TRPM5: variants seen among roughly 807,000 people sequenced by gnomAD.
The protein encoded by TRPM5 is transient receptor potential cation channel subfamily M member 5.
TRPM5 carries 121 observed loss-of-function variants against 124.9 expected under a neutral mutation model. The ratio of observed to expected loss-of-function variants is 0.97; its 90% CI spans 0.84 to 1.13. The LOEUF is 1.13. Among genes scored for constraint, TRPM5 ranks in the 50% most tolerant of loss-of-function variants. The pLI, the probability that TRPM5 is intolerant of heterozygous loss-of-function variation, is 0.00. For missense variants in TRPM5, 1,643 were observed against 1,589.1 expected, an observed-to-expected ratio of 1.03 and a Z score of -0.58; for synonymous variants, 781 against 700.5, an observed-to-expected ratio of 1.11 and a Z score of -1.81.
chr11:2,434,100 CTGTG>C, the TRPM5 span, among the ~76,000 whole-genome samples: 5 of 149,154 alleles, frequency 3.4e-5, no homozygotes, highest in East Asian at 8.0e-4. Context: ...TGTGTGGATG[CTGTG>C]TGTGAGTGTA....
In TRPM5 at chr11:2,413,175, GCTGTC is replaced by G; in HGVS notation, c.2050_2054del (p.Asp684ProfsTer27). ...ACAGCGGGCTCTTCTCCGTGTCCAG[GCTGTC>G]CAGGTCCTGCAGGTCCTCCAGGCCT... On this transcript the variant is annotated frameshift_variant, in exon 14 of 24. Transcript: ENST00000155858. LOFTEE classifies it high-confidence loss of function. The G allele has an allele frequency of 6.4e-7, 1 of 1,552,728 alleles. No homozygotes were observed. Among genetic ancestry groups the G allele is most frequent in the Non-Finnish European group, 8.7e-7 (1 of 1,148,328 alleles).
intron 18 of TRPM5, among the ~76,000 whole-genome samples, chr11:2,408,684 A>G (rs1043880136): frequency 1.3e-5 from 2 of 152,056 alleles, no homozygotes; most frequent in Non-Finnish European, 2.9e-5. Flanking sequence ...CTGGACCCTC[A>G]CCCCACCCCA....
the TRPM5 span, among the ~76,000 whole-genome samples, chr11:2,440,665 C>G: frequency 6.6e-6 from 1 of 152,164 alleles, no homozygotes; most frequent in Non-Finnish European, 1.5e-5. This position sits in a 1 kb window ranked among gnomAD's most constrained non-coding sequence, Gnocchi z 5.2. Context: ...TTTGTCCCAC[C>G]ACTACCTGGT....
chr11:2,435,414 A>G, the TRPM5 span, among the ~76,000 whole-genome samples: 1 of 151,238 alleles, frequency 6.6e-6, no homozygotes, highest in African/African-American at 2.4e-5. The surrounding 1 kb of genome is among the most constrained non-coding windows in gnomAD (Gnocchi z 4.1). Context: ...GCACCTCCTC[A>G]CCCATCACCA....
intron 13 of TRPM5, 106 bp from the exon 19 acceptor site, chr11:2,413,332 G>T: frequency 7.6e-7 from 1 of 1,324,322 alleles, no homozygotes; most frequent in Non-Finnish European, 1.0e-6. Context: ...CAGGGGCTGT[G>T]GGGAGTGGGA....
chr11:2,415,226 TG>T lies in TRPM5; in HGVS notation c.1373del (p.Pro458HisfsTer53), dbSNP rs1850544701. On this transcript the variant is annotated frameshift_variant, in exon 9 of 24. Coordinates refer to ENST00000155858, the Ensembl canonical transcript of TRPM5. LOFTEE classifies it high-confidence loss of function. ...AGACCTCGTGCAGGGAGAAGGCCGG[TG>T]GCCCCGCGGGTGGCTCCCGGGCCTG... is the stretch of plus-strand genomic sequence containing the variant. 6.3e-7 allele frequency: 1 copy of T among 1,575,348 alleles called. No individual in the cohort carries two copies. Among genetic ancestry groups the T allele is most frequent in the Admixed American group, 1.8e-5 (1 of 55,482 alleles).
exon 9 of TRPM5, chr11:2,415,459 C>G: frequency 6.4e-7 from 1 of 1,574,162 alleles, no homozygotes; most frequent in Non-Finnish European, 8.6e-7. Flanking sequence ...ATCACCTCCT[C>G]CAGGTCACAG....
intron 15 of TRPM5, 29 bp from the exon 21 acceptor site, chr11:2,412,282 A>G: frequency 7.0e-6 from 11 of 1,561,288 alleles, no homozygotes; most frequent in Non-Finnish European, 9.7e-6. Flanking sequence ...GTCCACTGAC[A>G]GCTGTCCAGC....
At chr11:2,406,865 C>T (rs929095290) in intron 20 of TRPM5, 72 bp from the exon 26 acceptor site, 17 of 1,542,704 alleles carry the variant, frequency 1.1e-5, no homozygotes, top group Middle Eastern at 3.5e-4. Context: ...GGCCTGGTCC[C>T]GGGGCGAGGT....
chr11:2,406,206 T>C, intron 21 of TRPM5, 115 bp from the exon 27 acceptor site: 6 of 1,107,470 alleles, frequency 5.4e-6, no homozygotes, highest in Non-Finnish European at 6.7e-6. Context: ...GCCCTGGCCC[T>C]TTCCCTTCCT....
In TRPM5 at chr11:2,407,669, C is replaced by T. The variant is rs920191083; in HGVS notation, c.2936+90G>A. The T allele has an allele frequency of 2.6e-6, 4 of 1,513,912 alleles. No homozygotes were observed. In the African/African-American group the frequency reaches 5.5e-5, roughly 21 times the overall value. 93.8% of individuals were successfully genotyped at this position (1,513,912 alleles called of 1,614,324 possible). ...CCAAGCCTCACCCTCTGCAGCACAC[C>T]AGGTGGGTTGCAAAGGAGGCGGTGT... is the stretch of plus-strand genomic sequence containing the variant. On this transcript the variant is annotated intron_variant, in intron 19 of 23. Coordinates refer to ENST00000155858, the Ensembl canonical transcript of TRPM5.
At chr11:2,406,149 G>A in intron 21 of TRPM5, 58 bp from the exon 27 acceptor site, 1 of 1,586,296 alleles carries the variant, frequency 6.3e-7, no homozygotes, top group Non-Finnish European at 8.6e-7. Context: ...TGCGTGTGGG[G>A]AGCCTCCCCA....
chr11:2,413,149 T>C (rs1850486894), exon 14 of TRPM5: 1 of 1,553,434 alleles, frequency 6.4e-7, no homozygotes, highest in Non-Finnish European at 8.7e-7. Flanking sequence ...CTGCAGGCCA[T>C]ACAGCGGGCT....
chr11:2,412,775 C>T (rs1184841073), exon 15 of TRPM5: 1 of 1,602,386 alleles, frequency 6.2e-7, no homozygotes. Context: ...CCTCCAGCAC[C>T]AGCGTAAAGA....
intron 6 of TRPM5, among the ~76,000 whole-genome samples, 163 bp downstream of exon 11, chr11:2,418,004 G>T (rs1055320786): frequency 1.3e-5 from 2 of 152,212 alleles, no homozygotes; most frequent in Non-Finnish European, 2.9e-5. Context: ...GGGGCTGCCT[G>T]GGTCTCTCTG....
At chr11:2,406,194 G>A (rs1850320580) in intron 21 of TRPM5, 103 bp from the exon 27 acceptor site, 2 of 1,312,964 alleles carry the variant, frequency 1.5e-6, no homozygotes, top group African/African-American at 1.4e-5. Flanking sequence ...CGAGTTTGGG[G>A]TGCCCTGGCC....
intron 18 of TRPM5, among the ~76,000 whole-genome samples, chr11:2,410,257 C>T (rs1047660045): frequency 6.6e-6 from 1 of 152,208 alleles, no homozygotes. Flanking sequence ...CGGCGTCGCC[C>T]CCGCCTGTCC....
At chr11:2,444,073 C>A in the TRPM5 span, among the ~76,000 whole-genome samples, 1 of 152,002 alleles carries the variant, frequency 6.6e-6, no homozygotes, top group Non-Finnish European at 1.5e-5. Context: ...GGCAGTCAAA[C>A]CAGGTCCAGA....
the TRPM5 span, among the ~76,000 whole-genome samples, chr11:2,434,570 GTGTC>G: frequency 6.6e-6 from 1 of 151,324 alleles, no homozygotes; most frequent in East Asian, 1.9e-4. Context: ...TAGGTACGCT[GTGTC>G]TGTGTGGACG....
Sources: gnomAD v4.1 joint callset for allele counts (sites outside exome capture counted in the v4.1 genomes callset) on GRCh38, gnomAD v4.1.1 for gene constraint, Gnocchi (gnomAD v3.1) non-coding constraint, MANE v1.5 for transcripts, NCBI Gene and HGNC (gene_info 2026-07-23, HGNC 2026-07-21) for gene names.